The following ARHGEF28 variants were observed in gnomAD, a reference collection of about 807,000 sequenced individuals.
The protein encoded by ARHGEF28 is Rho guanine nucleotide exchange factor 28.
Under a neutral mutation model 206.6 loss-of-function variants are expected in ARHGEF28, and 152 were observed. The ratio of observed to expected loss-of-function variants is 0.74; its 90% CI spans 0.64 to 0.84. ARHGEF28 has a LOEUF of 0.84. ARHGEF28 is among the 40% of genes least tolerant of loss of function. The pLI is 0.00. For synonymous variants in ARHGEF28, 763 were observed against 776.4 expected (o/e 0.98, Z 0.29); for missense variants, 2,028 against 2,073.2 (o/e 0.98, Z 0.42).
chr5:73,926,363 T>TA (rs1419146593), intron 35 of ARHGEF28, among the ~76,000 whole-genome samples: 1 of 152,136 alleles, frequency 6.6e-6, no homozygotes. Flanking sequence ...CATGTGCAGG[T>TA]AAAATCAGGT....
chr5:73,649,878 C>T (rs1318705715), intron 1 of ARHGEF28, among the ~76,000 whole-genome samples: 1 of 152,180 alleles, frequency 6.6e-6, no homozygotes, highest in Non-Finnish European at 1.5e-5. Context: ...CCCTTCGTCC[C>T]TCTGCAATAA....
intron 1 of ARHGEF28, among the ~76,000 whole-genome samples, chr5:73,675,717 A>G (rs1270829559): frequency 1.4e-5 from 2 of 139,836 alleles, no homozygotes; most frequent in East Asian, 4.2e-4. Flanking sequence ...TGGGTGACAG[A>G]GCAAGACTCT....
intron 9 of ARHGEF28, among the ~76,000 whole-genome samples, chr5:73,805,492 C>A (rs1238650544): frequency 6.6e-6 from 1 of 152,132 alleles, no homozygotes; most frequent in Admixed American, 6.6e-5. Context: ...AAAGAAACTA[C>A]AATAACCACT....
intron 22 of ARHGEF28, among the ~76,000 whole-genome samples, chr5:73,874,397 T>C (rs1760303908): frequency 6.6e-6 from 1 of 152,078 alleles, no homozygotes; most frequent in Admixed American, 6.5e-5. Context: ...TTCAAGTTTT[T>C]TTATTTATTT....
chr5:73,859,095 C>T (rs374098238), intron 16 of ARHGEF28, among the ~76,000 whole-genome samples: 6 of 152,204 alleles, frequency 3.9e-5, no homozygotes, highest in Non-Finnish European at 7.3e-5. Flanking sequence ...CTCATCCTTG[C>T]CCTCCTCCTG....
At chr5:73,815,031 T>C (rs1756100309) in intron 9 of ARHGEF28, among the ~76,000 whole-genome samples, 1 of 152,184 alleles carries the variant, frequency 6.6e-6, no homozygotes, top group African/African-American at 2.4e-5. Context: ...TTTTACTTTT[T>C]ATCTAAGAAA....
At chr5:73,767,107 T>C (rs1343752382) in intron 4 of ARHGEF28, among the ~76,000 whole-genome samples, 3 of 152,210 alleles carry the variant, frequency 2.0e-5, no homozygotes, top group Non-Finnish European at 2.9e-5. Flanking sequence ...ATGTAAGAAG[T>C]GCCTTTTGCC....
intron 4 of ARHGEF28, among the ~76,000 whole-genome samples, chr5:73,767,496 G>A (rs1054772105): frequency 4.1e-4 from 62 of 152,106 alleles, no homozygotes; most frequent in African/African-American, 7.7e-4. Flanking sequence ...GAACTGGAGC[G>A]AAGGTTACGT....
chr5:73,727,073 T>G (rs115631638), intron 2 of ARHGEF28, among the ~76,000 whole-genome samples: 2,346 of 152,318 alleles, frequency 0.015, 20 homozygotes, highest in Middle Eastern at 0.061. Flanking sequence ...CTGCAAATAT[T>G]TTTCTTCATT....
intron 1 of ARHGEF28, among the ~76,000 whole-genome samples, chr5:73,677,915 C>T (rs13189267): frequency 0.44 from 67,231 of 152,102 alleles, 16,321 homozygotes; most frequent in East Asian, 0.78. Context: ...CAAACTTTCA[C>T]AGATAGAATG....
At chr5:73,857,543 A>G in intron 14 of ARHGEF28, 113 bp from the exon 15 acceptor site, 8 of 1,131,368 alleles carry the variant, frequency 7.1e-6, no homozygotes, top group Non-Finnish European at 9.6e-6. Flanking sequence ...CTGAAAAAAT[A>G]CATACACATA....
intron 1 of ARHGEF28, among the ~76,000 whole-genome samples, chr5:73,680,399 T>A (rs1427821825): frequency 7.9e-6 from 1 of 126,658 alleles, no homozygotes; most frequent in Non-Finnish European, 1.5e-5. Context: ...TGAGCCACTG[T>A]ATTCCAGCCT....
chr5:73,807,566 C>G (rs112836701), intron 9 of ARHGEF28, among the ~76,000 whole-genome samples: 8,027 of 151,470 alleles, frequency 0.053, 281 homozygotes, highest in African/African-American at 0.095. Flanking sequence ...ATCACTGCAA[C>G]TTCCACCTCC....
At position 73,821,438 on chromosome 5, in the gene ARHGEF28, G is replaced by A. The variant is rs115590434; in HGVS notation, c.1025-10900G>A. 5.6e-3 allele frequency among the ~76,000 whole-genome samples: 853 copies of A among 152,268 alleles called. 8 individuals are homozygous for A. The highest frequency in any genetic ancestry group is 0.019 in the African/African-American group (790 of 41,536). The stretch of plus-strand genomic sequence containing the variant: ...GAAACACATATGGCTCTAGGGATAG[G>A]CACTGGAGAATAGAGCTCCTCATGA... On this transcript the variant is annotated intron_variant, in intron 9 of 35. Transcript: ENST00000513042.
rs778679042 is a variant in ARHGEF28, at chr5:73,867,850, C to T, written c.2153-26C>T. On this transcript the variant is annotated intron_variant, in intron 18 of 35. Transcript: ENST00000513042. Reference sequence around the variant, plus strand: ...CTTGTAATTACTGACCTGGAAACCACATGAAGCATCTGTTCTGATTTCCAG... The same window carrying T: ...CTTGTAATTACTGACCTGGAAACCATATGAAGCATCTGTTCTGATTTCCAG... 3.1e-6 allele frequency: 5 copies of T among 1,613,752 alleles called. No individual in the cohort carries two copies. The Admixed American group carries it at 6.7e-5, about 22-fold the overall frequency.
intron 2 of ARHGEF28, among the ~76,000 whole-genome samples, chr5:73,731,505 T>C (rs182175332): frequency 7.2e-4 from 110 of 152,312 alleles, no homozygotes; most frequent in Middle Eastern, 6.8e-3. Context: ...ATCAGGATAT[T>C]TGACAAGTTA....
intron 2 of ARHGEF28, among the ~76,000 whole-genome samples, chr5:73,742,512 A>T (rs879892583): frequency 2.0e-5 from 3 of 151,914 alleles, no homozygotes; most frequent in Non-Finnish European, 2.9e-5. Flanking sequence ...TGTATATTTA[A>T]TATATTATAA....
At chr5:73,827,620 G>A (rs1756993698) in intron 9 of ARHGEF28, among the ~76,000 whole-genome samples, 1 of 152,124 alleles carries the variant, frequency 6.6e-6, no homozygotes, top group Non-Finnish European at 1.5e-5. Context: ...CTTGAACCCA[G>A]GCAGTTCAGG....
chr5:73,879,133 C>T (rs1233781781), intron 22 of ARHGEF28, among the ~76,000 whole-genome samples: 1 of 152,188 alleles, frequency 6.6e-6, no homozygotes, highest in East Asian at 1.9e-4. Flanking sequence ...TCTTTTTATT[C>T]TTTTTTCTCT....
Sources: gnomAD v4.1 joint callset for allele counts (sites outside exome capture counted in the v4.1 genomes callset) on GRCh38, gnomAD v4.1.1 for gene constraint, MANE v1.5 for transcripts, NCBI Gene and HGNC (gene_info 2026-07-23, HGNC 2026-07-21) for gene names.